Variants in VSTM2A observed in about 807,000 individuals in gnomAD.
VSTM2A encodes V-set and transmembrane domain containing 2A.
Under a neutral mutation model 27.3 loss-of-function variants are expected in VSTM2A, and 13 were observed. That is an observed-to-expected ratio of 0.48 (90% CI 0.31 to 0.76). The LOEUF (loss-of-function observed/expected upper bound fraction) is 0.76, where lower values mean the gene tolerates loss of function less well. Ranked by LOEUF, VSTM2A falls within the 30% of genes least tolerant of loss-of-function variation. VSTM2A has a pLI of 0.05. For synonymous variants in VSTM2A, 142 were observed against 125.7 expected, an observed-to-expected ratio of 1.13 and a Z score of -0.87; for missense variants, 280 against 310.0, an observed-to-expected ratio of 0.90 and a Z score of 0.73.
intron 3 of VSTM2A, among the ~76,000 whole-genome samples, chr7:54,548,147 A>T (rs1477984661): frequency 6.6e-6 from 1 of 152,126 alleles, no homozygotes; most frequent in Non-Finnish European, 1.5e-5. Context: ...TTGCTTGGTG[A>T]CTATTCTTCC....
At chr7:54,546,520 C>A (rs1428641895) in intron 2 of VSTM2A, among the ~76,000 whole-genome samples, 1 of 150,664 alleles carries the variant, frequency 6.6e-6, no homozygotes, top group Non-Finnish European at 1.5e-5. Context: ...CGCCGGCCGC[C>A]CCACCCCTGG....
chr7:54,553,944 C>CT (rs1316403618), intron 4 of VSTM2A: 7 of 1,551,736 alleles, frequency 4.5e-6, no homozygotes, highest in Non-Finnish European at 6.1e-6. Flanking sequence ...TCTGTCTTCA[C>CT]TTTTTTCTAC....
chr7:54,550,339 G>A (rs952596758), intron 4 of VSTM2A, 169 bp downstream of exon 4: 1 of 1,453,918 alleles, frequency 6.9e-7, no homozygotes. Context: ...AATTCACTCA[G>A]AGCTCAAAGC....
In VSTM2A at chr7:54,550,118, C is replaced by T. The variant is rs1315144004; in HGVS notation, c.582C>T (p.Ser194=). The T allele has an allele frequency of 1.2e-6, 2 of 1,607,578 alleles. No individual in the cohort carries two copies. The highest frequency in any genetic ancestry group is 1.7e-5 in the Admixed American group (1 of 59,220). ...IHGSANQRTH[S]TSSPQVVAKI... ...GCTCTGCCAACCAACGAACGCACTC[C>T]ACCTCCAGCCCTCAAGTGGTAGCCA... Residue 194 remains serine (S), a synonymous_variant, in exon 4 of 5, where the codon TCC becomes TCT. Transcript: ENST00000402613.
chr7:54,556,461 A>G (rs981831518), intron 4 of VSTM2A, among the ~76,000 whole-genome samples: 4 of 152,164 alleles, frequency 2.6e-5, no homozygotes. Flanking sequence ...GGGTCTTTGC[A>G]GGGAGAGTGC....
At chr7:54,543,171 C>T (rs1484032783) in intron 1 of VSTM2A, among the ~76,000 whole-genome samples, 1 of 152,112 alleles carries the variant, frequency 6.6e-6, no homozygotes, top group Non-Finnish European at 1.5e-5. Flanking sequence ...TACTGGGACT[C>T]TCCATTGCCA....
intron 4 of VSTM2A, among the ~76,000 whole-genome samples, chr7:54,565,930 A>G (rs537295394): frequency 4.0e-4 from 61 of 152,292 alleles, no homozygotes; most frequent in African/African-American, 1.4e-3. Context: ...GGCAAGGCCC[A>G]CACCACTCTT....
At chr7:54,555,416 T>C (rs1562710611) in intron 4 of VSTM2A, among the ~76,000 whole-genome samples, 1 of 152,240 alleles carries the variant, frequency 6.6e-6, no homozygotes, top group Non-Finnish European at 1.5e-5. Flanking sequence ...GCCTGAATGT[T>C]TTCAGATATT....
At chr7:54,554,099 C>A (rs1200831852) in intron 4 of VSTM2A, 4 of 1,550,186 alleles carry the variant, frequency 2.6e-6, no homozygotes. Flanking sequence ...CGCTCGCACT[C>A]CCAAAGCTGT....
intron 2 of VSTM2A, among the ~76,000 whole-genome samples, chr7:54,545,536 G>C (rs1787921929): frequency 9.3e-6 from 1 of 107,962 alleles, no homozygotes; most frequent in Non-Finnish European, 1.9e-5. Flanking sequence ...AGGGAAGGGA[G>C]AATTGGAGTG....
intron 4 of VSTM2A, among the ~76,000 whole-genome samples, chr7:54,556,063 A>G (rs180864764): frequency 8.5e-5 from 13 of 152,316 alleles, no homozygotes; most frequent in African/African-American, 2.6e-4. Context: ...ATCATTTACT[A>G]TGAGATATAT....
At chr7:54,544,574 G>A (rs1397116104) in intron 1 of VSTM2A, 48 bp from the exon 2 acceptor site, 1 of 1,611,086 alleles carries the variant, frequency 6.2e-7, no homozygotes, top group Admixed American at 1.7e-5. Context: ...AAGAGACTCA[G>A]GCAAGAGGGG....
At chr7:54,549,783 A>G in intron 3 of VSTM2A, 51 bp from the exon 4 acceptor site, 1 of 1,486,742 alleles carries the variant, frequency 6.7e-7, no homozygotes, top group East Asian at 2.3e-5. Flanking sequence ...AAAATGGAAC[A>G]AAATCATTTG....
intron 3 of VSTM2A, among the ~76,000 whole-genome samples, chr7:54,547,534 G>A (rs992603502): frequency 1.3e-5 from 2 of 152,044 alleles, no homozygotes; most frequent in Non-Finnish European, 2.9e-5. Flanking sequence ...CATTATTATA[G>A]GAGCTTGACC....
chr7:54,550,517 C>T lies in VSTM2A; in HGVS notation c.634+347C>T, dbSNP rs773318484. On this transcript the variant is annotated intron_variant, in intron 4 of 4. Coordinates refer to ENST00000402613, the MANE Select transcript of VSTM2A (RefSeq NM_001301009.2). The stretch of plus-strand genomic sequence containing the variant: ...TCATTTTCTCTACAGATTTATGTAT[C>T]GATAATGACCCAAATTAAGAGGCTT... The T allele has an allele frequency of 2.3e-5, 9 of 398,188 alleles. No individual in the cohort carries two copies. The South Asian group carries it at 3.8e-4, about 17-fold the overall frequency. The allele number at this position is 398,188 out of a possible 1,614,324, so 24.7% of individuals were successfully genotyped here.
intron 1 of VSTM2A, among the ~76,000 whole-genome samples, chr7:54,544,293 G>C (rs780565197): frequency 1.1e-4 from 17 of 152,208 alleles, no homozygotes; most frequent in Non-Finnish European, 1.6e-4. Flanking sequence ...GTATCTCACT[G>C]ACTCTCTCAG....
intron 4 of VSTM2A, among the ~76,000 whole-genome samples, chr7:54,567,510 C>G (rs980956317): frequency 6.6e-6 from 1 of 152,040 alleles, no homozygotes; most frequent in Non-Finnish European, 1.5e-5. Context: ...TCAGCCATGT[C>G]CTATGAAGGG....
intron 3 of VSTM2A, among the ~76,000 whole-genome samples, chr7:54,548,550 G>T (rs962775205): frequency 6.6e-6 from 1 of 152,098 alleles, no homozygotes; most frequent in Non-Finnish European, 1.5e-5. Flanking sequence ...TACACTCAGT[G>T]TTGAAAATCA....
chr7:54,556,191 A>G (rs1028428459), intron 4 of VSTM2A, among the ~76,000 whole-genome samples: 2 of 152,158 alleles, frequency 1.3e-5, no homozygotes, highest in African/African-American at 4.8e-5. Context: ...TGCTGTGATC[A>G]ACAGCTGGTA....
Sources: gnomAD v4.1 joint callset for allele counts (sites outside exome capture counted in the v4.1 genomes callset) on GRCh38, gnomAD v4.1.1 for gene constraint, MANE v1.5 for transcripts, NCBI Gene and HGNC (gene_info 2026-07-23, HGNC 2026-07-21) for gene names.